AFG2A: variants seen among roughly 807,000 people sequenced by gnomAD.
AFG2A encodes the protein ATPase family gene 2 protein homolog A.
the AFG2A span, among the ~76,000 whole-genome samples, chr4:122,939,860 C>A: frequency 6.6e-6 from 1 of 152,110 alleles, no homozygotes; most frequent in Admixed American, 6.5e-5. Context: ...CAATTCCCAT[C>A]TATGAGTGAG....
the AFG2A span, among the ~76,000 whole-genome samples, chr4:123,304,798 G>A: frequency 3.3e-5 from 5 of 152,162 alleles, no homozygotes; most frequent in Admixed American, 6.5e-5. Context: ...CGAGCGCAGA[G>A]ACAGCATCTC....
chr4:123,263,372 T>G, the AFG2A span, among the ~76,000 whole-genome samples: 86 of 152,324 alleles, frequency 5.6e-4, no homozygotes, highest in African/African-American at 1.9e-3. Context: ...AAGCTTTACA[T>G]CTGTACAAGG....
At chr4:123,038,803 A>G in the AFG2A span, among the ~76,000 whole-genome samples, 9 of 151,844 alleles carry the variant, frequency 5.9e-5, no homozygotes, top group Non-Finnish European at 1.3e-4. Flanking sequence ...AAATGTCTTA[A>G]TTTTTTTTCT....
At chr4:123,256,957 T>C in the AFG2A span, 1 of 537,618 alleles carries the variant, frequency 1.9e-6, no homozygotes, top group Non-Finnish European at 2.4e-6. Context: ...GTCACACCAA[T>C]GATGTAGACT....
chr4:123,082,227 C>T, the AFG2A span, among the ~76,000 whole-genome samples: 1 of 152,038 alleles, frequency 6.6e-6, no homozygotes, highest in Non-Finnish European at 1.5e-5. Flanking sequence ...TCTTGGTTTT[C>T]TCTTATGCTG....
the AFG2A span, among the ~76,000 whole-genome samples, chr4:123,283,915 G>T: frequency 1.3e-5 from 2 of 151,998 alleles, no homozygotes; most frequent in Admixed American, 6.6e-5. Flanking sequence ...GTAAATAATT[G>T]TTTCACCATC....
chr4:123,188,162 T>A, the AFG2A span, among the ~76,000 whole-genome samples: 13,498 of 152,120 alleles, frequency 0.089, 771 homozygotes, highest in Middle Eastern at 0.2. Context: ...ATATATATTT[T>A]TATAATTCTA....
chr4:123,246,456 C>T, the AFG2A span, among the ~76,000 whole-genome samples: 5 of 152,138 alleles, frequency 3.3e-5, no homozygotes, highest in African/African-American at 9.7e-5. Flanking sequence ...CAATTTGCTA[C>T]GGACTGTGAG....
chr4:123,198,730 C>G, the AFG2A span, among the ~76,000 whole-genome samples: 1 of 152,194 alleles, frequency 6.6e-6, no homozygotes, highest in Non-Finnish European at 1.5e-5. Context: ...TATCTTCCTG[C>G]CCTAGCCTTT....
chr4:123,118,679 T>C, the AFG2A span, among the ~76,000 whole-genome samples: 1 of 152,034 alleles, frequency 6.6e-6, no homozygotes, highest in Non-Finnish European at 1.5e-5. Flanking sequence ...TGTTGTGTTA[T>C]GGGTAAATAC....
At chr4:123,019,765 TTTTGGACATTA>T in the AFG2A span, among the ~76,000 whole-genome samples, 1 of 152,224 alleles carries the variant, frequency 6.6e-6, no homozygotes, top group Non-Finnish European at 1.5e-5. Context: ...ATTTCAGATT[TTTTGGACATTA>T]TTGCACTCAT....
the AFG2A span, among the ~76,000 whole-genome samples, chr4:123,223,703 A>G: frequency 2.0e-5 from 3 of 152,252 alleles, no homozygotes; most frequent in African/African-American, 7.2e-5. Context: ...CACCTCCAAC[A>G]CTAGGGATTA....
chr4:123,164,433 G>A, the AFG2A span, among the ~76,000 whole-genome samples: 14 of 152,016 alleles, frequency 9.2e-5, no homozygotes, highest in East Asian at 1.9e-4. Context: ...ACACGATCTC[G>A]GCTCACTACA....
the AFG2A span, among the ~76,000 whole-genome samples, chr4:122,939,210 C>T: frequency 6.6e-6 from 1 of 151,106 alleles, no homozygotes; most frequent in Non-Finnish European, 1.5e-5. Flanking sequence ...CTCAGCCTCC[C>T]GAGTAGCTGG....
the AFG2A span, among the ~76,000 whole-genome samples, chr4:123,220,613 C>CAAA: frequency 0.029 from 1,211 of 41,638 alleles, 32 homozygotes; most frequent in African/African-American, 0.058. Flanking sequence ...GACTCCAACT[C>CAAA]AAAAAAAAAA....
the AFG2A span, chr4:122,938,070 G>A: frequency 9.6e-5 from 140 of 1,455,690 alleles, no homozygotes; most frequent in Non-Finnish European, 1.3e-4. Context: ...TTAAAACTAA[G>A]TAAAACTTAA....
At chr4:123,243,325 T>A in the AFG2A span, among the ~76,000 whole-genome samples, 189 of 152,262 alleles carry the variant, frequency 1.2e-3, 1 homozygote, top group Admixed American at 1.9e-3. Context: ...CTATTCACGA[T>A]AGTAAAGACT....
chr4:122,933,523 T>A, the AFG2A span: 4 of 1,598,404 alleles, frequency 2.5e-6, no homozygotes, highest in South Asian at 4.4e-5. Flanking sequence ...TAAATTGTTT[T>A]CTTAAGTTTT....
At chr4:123,087,848 G>C in the AFG2A span, among the ~76,000 whole-genome samples, 2 of 152,160 alleles carry the variant, frequency 1.3e-5, no homozygotes, top group Non-Finnish European at 2.9e-5. Context: ...AGAAGAGTTG[G>C]TTTTTCAGTT....
Sources: allele counts gnomAD v4.1 joint callset (sites outside exome capture counted in the v4.1 genomes callset), GRCh38; gene constraint gnomAD v4.1.1; transcripts MANE v1.5; gene names NCBI Gene and HGNC (gene_info 2026-07-23, HGNC 2026-07-21).